UBLCP1: variants seen among roughly 807,000 people sequenced by gnomAD.
UBLCP1 encodes the protein ubiquitin-like domain-containing CTD phosphatase 1.
Under a neutral mutation model 42.4 loss-of-function variants are expected in UBLCP1, and 28 were observed. That is an observed-to-expected ratio of 0.66 (90% confidence interval 0.49 to 0.90). The LOEUF (loss-of-function observed/expected upper bound fraction) is 0.90. Among genes scored for constraint, UBLCP1 ranks in the 40% least tolerant of loss-of-function variants. The pLI is 0.00. For synonymous variants in UBLCP1, 122 were observed against 120.8 expected, an observed-to-expected ratio of 1.01 and a Z score of -0.07; for missense variants, 279 against 374.5, an observed-to-expected ratio of 0.75 and a Z score of 2.10.
intron 1 of UBLCP1, among the ~76,000 whole-genome samples, chr5:159,266,637 C>T (rs1336330746): frequency 6.6e-6 from 1 of 152,224 alleles, no homozygotes; most frequent in African/African-American, 2.4e-5. Flanking sequence ...ACCTTCATGG[C>T]AGCCCCTCCC....
At chr5:159,278,381 G>A in intron 9 of UBLCP1, 27 bp downstream of exon 9, 1 of 1,475,474 alleles carries the variant, frequency 6.8e-7, no homozygotes, top group Non-Finnish European at 9.5e-7. Flanking sequence ...CTTGTTATGT[G>A]CTCATGTAAT....
intron 8 of UBLCP1, among the ~76,000 whole-genome samples, chr5:159,275,659 G>T (rs556628316): frequency 1.3e-5 from 2 of 152,226 alleles, no homozygotes; most frequent in South Asian, 2.1e-4. Flanking sequence ...TGATCCGCCT[G>T]CCTCGGCCTC....
Position 159,270,420 on chromosome 5 carries a change from G to T in UBLCP1, c.307G>T (p.Asp103Tyr). 1 of 1,613,500 alleles carries T rather than the reference G, an allele frequency of 6.2e-7. No individual in the cohort carries two copies. Among genetic ancestry groups the T allele is most frequent in the Non-Finnish European group, 8.5e-7 (1 of 1,179,646 alleles). Residue 103 changes from aspartate to tyrosine, a missense_variant, in exon 4 of 11, where the codon GAT becomes TAT. Transcript: ENST00000296786. ...DDVVNDFDIE[D>Y]EVVEVENREE... ...TGTTGTTAATGACTTTGATATTGAA[G>T]ATGAAGTAGTTGAAGTAGAAAATAG...
At chr5:159,275,793 T>C (rs994715724) in intron 8 of UBLCP1, among the ~76,000 whole-genome samples, 1 of 152,156 alleles carries the variant, frequency 6.6e-6, no homozygotes, top group African/African-American at 2.4e-5. Context: ...TGATTGTGGG[T>C]AATTGACCTG....
At chr5:159,263,821 G>A (rs977767051) in intron 1 of UBLCP1, among the ~76,000 whole-genome samples, 5 of 152,166 alleles carry the variant, frequency 3.3e-5, no homozygotes, top group Admixed American at 6.5e-5. Flanking sequence ...TGCTGGGATT[G>A]TTGAAAGTTA....
intron 6 of UBLCP1, 59 bp from the exon 7 acceptor site, chr5:159,274,526 T>A (rs1383971128): frequency 1.1e-5 from 17 of 1,494,242 alleles, no homozygotes; most frequent in African/African-American, 1.4e-5. Context: ...TTATACAGAT[T>A]TTTTTTAAAG....
intron 2 of UBLCP1, among the ~76,000 whole-genome samples, chr5:159,269,527 A>G (rs1194319594): frequency 6.6e-6 from 1 of 152,208 alleles, no homozygotes; most frequent in Non-Finnish European, 1.5e-5. Flanking sequence ...TTTTGTGATT[A>G]TCATATTGAA....
Position 159,269,865 on chromosome 5 carries a change from A to G in UBLCP1, c.155-43A>G, listed in dbSNP as rs752408820. ...TATATAATGGAATAGTGAAACCAGC[A>G]CCTGAACTTTAGTGAGAAAACAGTC... On this transcript the variant is annotated intron_variant, in intron 2 of 10. Coordinates refer to ENST00000296786, the MANE Select transcript of UBLCP1 (RefSeq NM_145049.5). The G allele has an allele frequency of 3.2e-5, 48 of 1,478,432 alleles. 1 individual carries two copies. The South Asian group carries it at 5.1e-4, about 16-fold the overall frequency. The allele number at this position is 1,478,432 out of a possible 1,614,324, so 91.6% of individuals were successfully genotyped here.
chr5:159,273,850 ACAC>A (rs1351622271), intron 6 of UBLCP1, among the ~76,000 whole-genome samples: 1 of 151,870 alleles, frequency 6.6e-6, no homozygotes, highest in Non-Finnish European at 1.5e-5. Flanking sequence ...ACACACACAC[ACAC>A]ACACACACAC....
At chr5:159,282,476 G>A (rs1753620146) in intron 9 of UBLCP1, among the ~76,000 whole-genome samples, 3 of 152,074 alleles carry the variant, frequency 2.0e-5, no homozygotes, top group Admixed American at 2.0e-4. Flanking sequence ...ATAAACATAT[G>A]CATTCATAGC....
intron 8 of UBLCP1, among the ~76,000 whole-genome samples, chr5:159,277,484 G>C (rs1174725157): frequency 6.6e-6 from 1 of 152,084 alleles, no homozygotes; most frequent in East Asian, 1.9e-4. Context: ...TTTTCTGAAT[G>C]TGTAATACAT....
intron 8 of UBLCP1, among the ~76,000 whole-genome samples, chr5:159,276,378 A>C (rs1268101377): frequency 1.3e-5 from 2 of 152,242 alleles, no homozygotes; most frequent in African/African-American, 2.4e-5. Flanking sequence ...CAGTATTAAA[A>C]TTATCAAAAC....
In UBLCP1 at chr5:159,278,276, G is replaced by A; in HGVS notation, c.723G>A (p.Glu241=). The change falls in exon 9 of 11, where the codon GAG becomes GAA. Residue 241 remains glutamate (E), a synonymous_variant. Transcript: ENST00000296786. ...PLGVIWGKFS[E]FYSKKNTIMF... is the part of the protein sequence containing the mutation. ...GTGTTATATGGGGAAAGTTTTCGGA[G>A]TTTTACAGCAAGAAAAACACCATTA... The A allele has an allele frequency of 6.2e-7, 1 of 1,613,866 alleles. No homozygotes were observed. Among genetic ancestry groups the A allele is most frequent in the East Asian group, 2.2e-5 (1 of 44,828 alleles).
Position 159,285,196 on chromosome 5 carries a change from CCACACACACACACACACACACACA to C in UBLCP1, c.*290_*313del, listed in dbSNP as rs70987962. The C allele has an allele frequency of 1.2e-5, 3 of 251,956 alleles. No homozygotes were observed. The highest frequency in any genetic ancestry group is 1.0e-4 in the East Asian group (1 of 9,714). 15.6% of individuals were successfully genotyped at this position (251,956 alleles called of 1,614,324 possible). A position where few individuals can be genotyped will look rare whatever the true frequency, so the allele number is the denominator to read the frequency against. On this transcript the variant is annotated 3_prime_UTR_variant, in exon 11 of 11. Transcript: ENST00000296786. ...GGTTACTGACCACCCCACCCTCCCA[CCACACACACACACACACACACACA>C]CACACACACACACACACACACACAA... is the stretch of plus-strand genomic sequence containing the variant.
At position 159,272,044 on chromosome 5, in the gene UBLCP1, C is replaced by A; in HGVS notation, c.470C>A (p.Thr157Asn). ...TLFDHRSCAE[T>N]GVELMRPYLH... Reference sequence around the variant, plus strand: ...TTAGACCACAGGTCTTGTGCAGAGACTGGGGTAGAATTAATGCGGCCATAT... The same window carrying A: ...TTAGACCACAGGTCTTGTGCAGAGAATGGGGTAGAATTAATGCGGCCATAT... The change falls in exon 6 of 11, where the codon ACT becomes AAT. Residue 157 changes from threonine to asparagine, a missense_variant. By Grantham distance (65) the Thr-to-Asn change is moderately conservative. Transcript: ENST00000296786. 1 of 1,613,272 alleles carries A rather than the reference C, an allele frequency of 6.2e-7. No homozygotes were observed. Among genetic ancestry groups the A allele is most frequent in the East Asian group, 2.2e-5 (1 of 44,790 alleles).
At chr5:159,271,470 GA>G (rs1212315984) in intron 5 of UBLCP1, among the ~76,000 whole-genome samples, 1 of 151,878 alleles carries the variant, frequency 6.6e-6, no homozygotes, top group Non-Finnish European at 1.5e-5. Context: ...AAAAAAGAAA[GA>G]AAAAAATGTT....
intron 7 of UBLCP1, 36 bp from the exon 8 acceptor site, chr5:159,275,112 A>G (rs2113316870): frequency 2.5e-6 from 4 of 1,573,830 alleles, no homozygotes; most frequent in East Asian, 2.2e-5. Context: ...TTTCCACACT[A>G]CTATGTTTTA....
chr5:159,278,248 T>TTGG lies in UBLCP1; in HGVS notation c.698_700dup (p.Gly233dup). On this transcript the variant is annotated inframe_insertion, in exon 9 of 11. Coordinates refer to ENST00000296786, the MANE Select transcript of UBLCP1 (RefSeq NM_145049.5). ...AACTTTTATTCTAAGGTAAAGCCTCTTGGTGTTATATGGGGAAAGTTTTCG... is the reference window on the plus strand; with the variant it reads ...AACTTTTATTCTAAGGTAAAGCCTCTTGGTGGTGTTATATGGGGAAAGTTTTCG... 2 of 1,610,468 alleles carry TTGG rather than the reference T, an allele frequency of 1.2e-6. No individual in the cohort carries two copies. Among genetic ancestry groups the TTGG allele is most frequent in the Non-Finnish European group, 1.7e-6 (2 of 1,176,756 alleles).
At chr5:159,266,441 A>G (rs1302254831) in intron 1 of UBLCP1, among the ~76,000 whole-genome samples, 1 of 152,204 alleles carries the variant, frequency 6.6e-6, no homozygotes, top group Non-Finnish European at 1.5e-5. Flanking sequence ...TGTTAAAGGC[A>G]CTCAGTTTTA....
Sources: gnomAD v4.1 joint callset for allele counts (sites outside exome capture counted in the v4.1 genomes callset) on GRCh38, gnomAD v4.1.1 for gene constraint, MANE v1.5 for transcripts, NCBI Gene and HGNC (gene_info 2026-07-23, HGNC 2026-07-21) for gene names.